The following ANKRD36C variants were observed in gnomAD, a reference collection of about 807,000 sequenced individuals.
ANKRD36C encodes ankyrin repeat domain-containing protein 36C.
A neutral mutation model predicts 276.4 loss-of-function variants in ANKRD36C; 61 were observed. The ratio of observed to expected loss-of-function variants is 0.22; its 90% confidence interval spans 0.18 to 0.27. ANKRD36C has a LOEUF of 0.27. Among genes scored for constraint, ANKRD36C ranks in the 10% least tolerant of loss-of-function variants. ANKRD36C has a pLI of 1.00. For missense variants in ANKRD36C, 1,447 were observed against 2,032.3 expected, an observed-to-expected ratio of 0.71 and a Z score of 5.54; for synonymous variants, 483 against 680.1, an observed-to-expected ratio of 0.71 and a Z score of 4.51.
At chr2:95,948,596 C>T (rs193299488) in exon 17 of ANKRD36C, 28 of 1,534,452 alleles carry the variant, frequency 1.8e-5, no homozygotes, top group Admixed American at 3.9e-5. Flanking sequence ...GGTAGAGACA[C>T]CTACAGAGCA....
At chr2:95,990,845 C>T (rs968457398) in intron 1 of ANKRD36C, among the ~76,000 whole-genome samples, 1 of 152,168 alleles carries the variant, frequency 6.6e-6, no homozygotes, top group African/African-American at 2.4e-5. Flanking sequence ...TCTCATTATG[C>T]ACCTTTCCAT....
intron 24 of ANKRD36C, among the ~76,000 whole-genome samples, chr2:95,934,395 T>C (rs1167650265): frequency 6.6e-6 from 1 of 151,976 alleles, no homozygotes; most frequent in African/African-American, 2.4e-5. Flanking sequence ...AAATGTGGCA[T>C]ATACACATCA....
intron 24 of ANKRD36C, among the ~76,000 whole-genome samples, chr2:95,930,707 A>C (rs976445781): frequency 6.6e-6 from 1 of 151,472 alleles, no homozygotes; most frequent in Non-Finnish European, 1.5e-5. Context: ...TCTGTTTAGT[A>C]CTCTTAAAAT....
chr2:95,878,253 T>C lies in ANKRD36C; in HGVS notation c.3470-1744A>G, dbSNP rs549449059. ...AATTGTCAAAAATGAAAAAATTAAATTTCCACAGACTTATTAATAACATTT... is the reference window on the plus strand; with the variant it reads ...AATTGTCAAAAATGAAAAAATTAAACTTCCACAGACTTATTAATAACATTT... On this transcript the variant is annotated intron_variant, in intron 58 of 66. Coordinates refer to ENST00000456556, the Ensembl canonical transcript of ANKRD36C. Among the ~76,000 whole-genome samples, 8 of 151,664 alleles carry C rather than the reference T, an allele frequency of 5.3e-5. No homozygotes were observed. In the East Asian group the frequency reaches 1.6e-3, roughly 29 times the overall value.
At chr2:95,947,534 T>C (rs1678085302) in intron 17 of ANKRD36C, among the ~76,000 whole-genome samples, 1 of 152,112 alleles carries the variant, frequency 6.6e-6, no homozygotes, top group Non-Finnish European at 1.5e-5. Flanking sequence ...AATTATTTTT[T>C]CAATAACTAA....
Position 95,888,129 on chromosome 2 carries a change from C to T in ANKRD36C, c.2960-9G>A, listed in dbSNP as rs1171440240. 6.2e-7 allele frequency: 1 copy of T among 1,608,276 alleles called. No homozygotes were observed. The highest frequency in any genetic ancestry group is 8.5e-7 in the Non-Finnish European group (1 of 1,178,100). The stretch of plus-strand genomic sequence containing the variant: ...TTGTTTCTGAGAAGACACTGAAAAG[C>T]AAAAGGGATACATAATCACTCATAT... On this transcript the variant is annotated splice_polypyrimidine_tract_variant and intron_variant, in intron 48 of 66. Coordinates refer to ENST00000456556, the Ensembl canonical transcript of ANKRD36C.
intron 46 of ANKRD36C, among the ~76,000 whole-genome samples, chr2:95,890,910 TC>T (rs1676334228): frequency 6.6e-6 from 1 of 151,464 alleles, no homozygotes; most frequent in Non-Finnish European, 1.5e-5. Context: ...AAGGGGTAGC[TC>T]CTTGAACAAG....
intron 24 of ANKRD36C, among the ~76,000 whole-genome samples, chr2:95,929,949 T>G (rs910909109): frequency 2.0e-5 from 3 of 151,508 alleles, no homozygotes; most frequent in African/African-American, 7.3e-5. Flanking sequence ...TATATAAACT[T>G]CATCAAAAAG....
chr2:95,962,395 C>T (rs747098050), exon 8 of ANKRD36C: 85 of 1,566,452 alleles, frequency 5.4e-5, no homozygotes, highest in African/African-American at 1.5e-4. Context: ...TGGCTATATT[C>T]GAGATAGAAT....
intron 6 of ANKRD36C, among the ~76,000 whole-genome samples, chr2:95,963,026 C>T (rs970016657): frequency 2.0e-5 from 3 of 152,072 alleles, no homozygotes; most frequent in Admixed American, 2.0e-4. Context: ...GATGACACTT[C>T]AGCTGAATGT....
At chr2:95,892,915 C>T (rs1676416929) in intron 44 of ANKRD36C, among the ~76,000 whole-genome samples, 1 of 151,078 alleles carries the variant, frequency 6.6e-6, no homozygotes, top group South Asian at 2.1e-4. Flanking sequence ...TATGCCAATT[C>T]TAGGATTGTT....
At position 95,897,525 on chromosome 2, in the gene ANKRD36C, A is replaced by G. The variant is rs1468321555; in HGVS notation, c.2755+1620T>C. ...GTAAAAATGACAAAATTATCCACAT[A>G]TTCATGCAGTGTTAGCATCAACCTC... On this transcript the variant is annotated intron_variant, in intron 44 of 66. Transcript: ENST00000456556. The G allele has an allele frequency of 5.9e-6, 9 of 1,512,606 alleles. 1 individual carries two copies. Among genetic ancestry groups the G allele is most frequent in the African/African-American group, 1.4e-5 (1 of 71,388 alleles). The allele number at this position is 1,512,606 out of a possible 1,614,324, so 93.7% of individuals were successfully genotyped here. A position where few individuals can be genotyped will look rare whatever the true frequency, so the allele number is the denominator to read the frequency against.
intron 6 of ANKRD36C, among the ~76,000 whole-genome samples, chr2:95,965,326 C>T (rs1678566575): frequency 6.6e-6 from 1 of 151,990 alleles, no homozygotes; most frequent in Admixed American, 6.6e-5. Context: ...TCCGGGAACA[C>T]TCTATAGGGA....
chr2:95,958,203 C>T (rs1412608274), intron 12 of ANKRD36C, among the ~76,000 whole-genome samples: 1 of 151,952 alleles, frequency 6.6e-6, no homozygotes, highest in African/African-American at 2.4e-5. Context: ...TGGCTTTTTA[C>T]GATCACTTCT....
At chr2:95,970,230 C>T (rs985281763) in intron 6 of ANKRD36C, among the ~76,000 whole-genome samples, 1 of 152,164 alleles carries the variant, frequency 6.6e-6, no homozygotes, top group Admixed American at 6.6e-5. Context: ...GATCAGTGTC[C>T]TTACTCTCAC....
chr2:95,986,599 T>C, intron 3 of ANKRD36C, 152 bp downstream of exon 3: 2 of 1,102,010 alleles, frequency 1.8e-6, no homozygotes, highest in South Asian at 2.2e-5. Flanking sequence ...TTCCAAAATT[T>C]AAAGTAAAAT....
At chr2:95,927,242 T>C in exon 28 of ANKRD36C, 1 of 1,610,296 alleles carries the variant, frequency 6.2e-7, no homozygotes, top group Non-Finnish European at 8.5e-7. Context: ...CCTCCTTTAT[T>C]TCTGTGGCTA....
At chr2:95,881,660 ATTCTAGCACTCC>A (rs1413278298) in intron 56 of ANKRD36C, among the ~76,000 whole-genome samples, 2 of 152,318 alleles carry the variant, frequency 1.3e-5, no homozygotes, top group South Asian at 4.1e-4. Context: ...GTTTATCCCA[ATTCTAGCACTCC>A]TTCTTGATTC....
At chr2:95,912,604 A>G (rs552580501) in intron 40 of ANKRD36C, among the ~76,000 whole-genome samples, 169 bp from the exon 43 acceptor site, 82 of 151,488 alleles carry the variant, frequency 5.4e-4, no homozygotes, top group African/African-American at 1.9e-3. Flanking sequence ...CACACTGAAA[A>G]AAGGGAACAC....
Sources: allele counts gnomAD v4.1 joint callset (sites outside exome capture counted in the v4.1 genomes callset), GRCh38; gene constraint gnomAD v4.1.1; transcripts MANE v1.5; gene names NCBI Gene and HGNC (gene_info 2026-07-23, HGNC 2026-07-21).